The following AP5Z1 variants were observed in gnomAD, a reference collection of about 807,000 sequenced individuals.
AP5Z1 encodes AP-5 complex subunit zeta-1.
A neutral mutation model predicts 83.0 loss-of-function variants in AP5Z1; 106 were observed. The observed-to-expected ratio is 1.28, with a 90% CI of 1.09 to 1.50. The LOEUF is 1.50. Ranked by LOEUF, AP5Z1 falls within the 40% of genes most tolerant of loss-of-function variation. AP5Z1 has a pLI of 0.00. For missense variants in AP5Z1, 1,565 were observed against 1,094.2 expected (o/e 1.43, Z -6.07); for synonymous variants, 751 against 514.1 (o/e 1.46, Z -6.23).
intron 1 of AP5Z1, among the ~76,000 whole-genome samples, chr7:4,776,116 C>T (rs538022265): frequency 3.3e-5 from 5 of 151,876 alleles, no homozygotes; most frequent in Non-Finnish European, 7.3e-5. Context: ...AACGCAAAGT[C>T]ACAGTGTCCG....
At position 4,784,328 on chromosome 7, in the gene AP5Z1, G is replaced by C. The variant is rs774498322; in HGVS notation, c.747G>C (p.Trp249Cys). The change falls in exon 6 of 17, where the codon TGG (tryptophan) becomes TGC (cysteine). Residue 249 changes from tryptophan (W) to cysteine (C), a missense_variant. Coordinates refer to ENST00000649063, the MANE Select transcript of AP5Z1 (RefSeq NM_014855.3). ...NVQAFSMLRA[W>C]LLHSGPEGPG... is the part of the protein sequence containing the mutation. ...AGGCCTTCTCTATGCTGCGGGCGTG[G>C]CTGCTGCACAGCGGCCCCGAGGGCC... is the stretch of plus-strand genomic sequence containing the variant. 9 of 1,601,008 alleles carry C rather than the reference G, an allele frequency of 5.6e-6. No homozygotes were observed. Among genetic ancestry groups the C allele is most frequent in the Non-Finnish European group, 3.4e-6 (4 of 1,175,108 alleles).
At chr7:4,786,164 C>A in intron 9 of AP5Z1, 86 bp from the exon 10 acceptor site, 5 of 1,382,710 alleles carry the variant, frequency 3.6e-6, no homozygotes, top group Non-Finnish European at 4.8e-6. Flanking sequence ...GGAGAGCAGG[C>A]CTGAGACTCA....
In AP5Z1 at chr7:4,790,753, C is replaced by T. The variant is rs368623061; in HGVS notation, c.2019C>T (p.Ala673=). ...TVEQINKFFE[A]LEALLFEVTQ... The stretch of plus-strand genomic sequence containing the variant: ...AGCAGATCAACAAGTTCTTCGAAGC[C>T]CTGGAGGCTCTGCTATTCGAGGTCA... The change falls in exon 16 of 17, where the codon GCC becomes GCT. Residue 673 remains alanine (A), a synonymous_variant. Coordinates refer to ENST00000649063, the MANE Select transcript of AP5Z1 (RefSeq NM_014855.3). 1.2e-6 allele frequency: 2 copies of T among 1,609,420 alleles called. No individual in the cohort carries two copies. The highest frequency in any genetic ancestry group is 1.7e-6 in the Non-Finnish European group (2 of 1,178,824).
At chr7:4,785,335 C>T in intron 7 of AP5Z1, 80 bp from the exon 8 acceptor site, 1 of 1,543,506 alleles carries the variant, frequency 6.5e-7, no homozygotes, top group Non-Finnish European at 8.8e-7. Flanking sequence ...CTGCCTGGAG[C>T]TTCCAGAGCA....
At chr7:4,789,575 G>A (rs1200304433) in intron 13 of AP5Z1, among the ~76,000 whole-genome samples, 1 of 152,220 alleles carries the variant, frequency 6.6e-6, no homozygotes, top group Non-Finnish European at 1.5e-5. Flanking sequence ...GCCTGGCCTT[G>A]CAGAGCGGGA....
Position 4,789,920 on chromosome 7 carries a change from G to T in AP5Z1, c.1796G>T (p.Gly599Val), listed in dbSNP as rs1267508413. 1 of 1,544,748 alleles carries T rather than the reference G, an allele frequency of 6.5e-7. No homozygotes were observed. The highest frequency in any genetic ancestry group is 2.4e-5 in the East Asian group (1 of 40,832). Residue 599 changes from glycine (G) to valine (V), a missense_variant, in exon 14 of 17, where the codon GGT becomes GTT. Gly to Val is a moderately radical substitution (Grantham distance 109). Transcript: ENST00000649063. ...SLYPAPGYAA[G>V]VHSVLSSQFL... ...TACCCGGCCCCAGGGTACGCTGCCG[G>T]TGTGCACAGGTAGGTCCCTCCTGCG...
chr7:4,788,678 C>G (rs1781640157), intron 12 of AP5Z1, 162 bp from the exon 13 acceptor site: 1 of 630,242 alleles, frequency 1.6e-6, no homozygotes, highest in African/African-American at 1.9e-5. Context: ...GTGCTGACGC[C>G]AGGGGTCTCC....
rs1186699852 is a variant in AP5Z1, at chr7:4,781,313, G to T, written c.179+1G>T. 6.2e-7 allele frequency: 1 copy of T among 1,613,134 alleles called. No homozygotes were observed. Among genetic ancestry groups the T allele is most frequent in the Non-Finnish European group, 8.5e-7 (1 of 1,179,824 alleles). On this transcript the variant is annotated splice_donor_variant, in intron 2 of 16. Coordinates refer to ENST00000649063, the MANE Select transcript of AP5Z1 (RefSeq NM_014855.3). LOFTEE classifies it high-confidence loss of function. ...TCTCAGCCACGAAGTACAGCCGGAG[G>T]TGAGTGTGGCGACGGCTCAGGCCGG...
rs1038245729 is a variant in AP5Z1, at chr7:4,787,759, G to A, written c.1437G>A (p.Val479=). ...TGGACCTGCCCTGCTTGACGGCGGT[G>A]CTGGACCTGCAGCTCAGGTGGGCCC... ...ALLDLPCLTA[V]LDLQLRSAPA... is the part of the protein sequence containing the mutation. Residue 479 remains valine, a synonymous_variant, in exon 11 of 17, where the codon GTG becomes GTA. Transcript: ENST00000649063. 6.5e-7 allele frequency: 1 copy of A among 1,539,084 alleles called. No individual in the cohort carries two copies. Among genetic ancestry groups the A allele is most frequent in the South Asian group, 1.2e-5 (1 of 83,986 alleles).
intron 5 of AP5Z1, 34 bp downstream of exon 5, chr7:4,783,832 C>CA: frequency 6.5e-7 from 1 of 1,531,308 alleles, no homozygotes; most frequent in Non-Finnish European, 8.8e-7. Flanking sequence ...CCATGGGGAA[C>CA]AGAGTCACAG....
intron 1 of AP5Z1, among the ~76,000 whole-genome samples, chr7:4,778,400 G>C (rs1006862957): frequency 2.0e-5 from 3 of 152,184 alleles, no homozygotes; most frequent in African/African-American, 4.8e-5. Flanking sequence ...GCAAGGTCGG[G>C]GATTTCCAGG....
Position 4,788,971 on chromosome 7 carries a change from C to G in AP5Z1, c.1707+20C>G. The G allele has an allele frequency of 6.3e-7, 1 of 1,596,840 alleles. No homozygotes were observed. The highest frequency in any genetic ancestry group is 8.5e-7 in the Non-Finnish European group (1 of 1,171,480). ...ACCCAGGTGAGCTCGCTGCCTGGGG[C>G]CCCCCATTCCCACAGGCCTCACAAC... On this transcript the variant is annotated intron_variant, in intron 13 of 16. Transcript: ENST00000649063.
chr7:4,785,267 T>C (rs1781504536), intron 7 of AP5Z1, 148 bp from the exon 8 acceptor site: 1 of 1,290,680 alleles, frequency 7.7e-7, no homozygotes, highest in Admixed American at 2.7e-5. Flanking sequence ...CCTGGGCCCC[T>C]CGCCTCAGTC....
At chr7:4,777,353 C>CTTTA (rs10676677) in intron 1 of AP5Z1, among the ~76,000 whole-genome samples, 22,206 of 148,858 alleles carry the variant, frequency 0.15, 1,846 homozygotes, top group South Asian at 0.28. Context: ...GAAGAGCCCT[C>CTTTA]TTTATTTATT....
chr7:4,783,664 C>T (rs1173214004), intron 4 of AP5Z1, 25 bp from the exon 5 acceptor site: 1 of 1,543,362 alleles, frequency 6.5e-7, no homozygotes, highest in Admixed American at 2.0e-5. Context: ...AACCTCACCT[C>T]CCCATGCCAC....
intron 9 of AP5Z1, 138 bp from the exon 10 acceptor site, chr7:4,786,112 C>T (rs977418500): frequency 1.2e-6 from 1 of 837,470 alleles, no homozygotes; most frequent in Non-Finnish European, 1.8e-6. Flanking sequence ...TGCCGCTTCC[C>T]CAGCGTCCCA....
In AP5Z1 at chr7:4,791,552, T is replaced by C; in HGVS notation, c.*167T>C. 9.7e-7 allele frequency: 1 copy of C among 1,028,440 alleles called. No individual in the cohort carries two copies. Among genetic ancestry groups the C allele is most frequent in the Non-Finnish European group, 1.4e-6 (1 of 721,822 alleles). 63.7% of individuals were successfully genotyped at this position (1,028,440 alleles called of 1,614,324 possible). ...AGACACGCGGGGCTGGCCCCCCTGC[T>C]CACCCTCTGGGCTTTGTCTCCGAGC... On this transcript the variant is annotated 3_prime_UTR_variant, in exon 17 of 17. Coordinates refer to ENST00000649063, the MANE Select transcript of AP5Z1 (RefSeq NM_014855.3).
At chr7:4,790,977 T>C in intron 16 of AP5Z1, 90 bp downstream of exon 16, 10 of 1,479,688 alleles carry the variant, frequency 6.8e-6, no homozygotes, top group Non-Finnish European at 8.1e-6. Context: ...TGTGAAATGG[T>C]CGCAGCAGCG....
chr7:4,783,461 G>T lies in AP5Z1; in HGVS notation c.511+1G>T. The stretch of plus-strand genomic sequence containing the variant: ...CTCAGCCCGGGCACCCTCCAGGAGG[G>T]TACGCGGGGCCCCTCCCAAGAGGCT... On this transcript the variant is annotated splice_donor_variant, in intron 4 of 16. Coordinates refer to ENST00000649063, the MANE Select transcript of AP5Z1 (RefSeq NM_014855.3). LOFTEE classifies it high-confidence loss of function. 1.2e-6 allele frequency: 2 copies of T among 1,611,198 alleles called. No homozygotes were observed. The highest frequency in any genetic ancestry group is 1.7e-6 in the Non-Finnish European group (2 of 1,178,968).
Sources: gnomAD v4.1 joint callset for allele counts (sites outside exome capture counted in the v4.1 genomes callset) on GRCh38, gnomAD v4.1.1 for gene constraint, MANE v1.5 for transcripts, NCBI Gene and HGNC (gene_info 2026-07-23, HGNC 2026-07-21) for gene names.